Variants in GNB4 observed in about 807,000 individuals in gnomAD.
GNB4 encodes G protein subunit beta 4.
A neutral mutation model predicts 45.2 loss-of-function variants in GNB4; 28 were observed. The observed-to-expected ratio is 0.62, with a 90% confidence interval of 0.46 to 0.85. The LOEUF (loss-of-function observed/expected upper bound fraction) is 0.85, where lower values mean the gene tolerates loss of function less well. GNB4 is among the 40% of genes least tolerant of loss of function. The pLI, the probability that GNB4 is intolerant of heterozygous loss-of-function variation, is 0.00. For synonymous variants in GNB4, 132 were observed against 143.7 expected (o/e 0.92, Z 0.58); for missense variants, 321 against 425.4 (o/e 0.75, Z 2.16).
chr3:179,484,593 ATT>A, the GNB4 span, among the ~76,000 whole-genome samples: 80 of 148,306 alleles, frequency 5.4e-4, no homozygotes, highest in Middle Eastern at 6.9e-3. Context: ...GTATAGTGCC[ATT>A]TTTTTTTTTT....
chr3:179,462,610 G>A, the GNB4 span, among the ~76,000 whole-genome samples: 1 of 152,046 alleles, frequency 6.6e-6, no homozygotes, highest in Non-Finnish European at 1.5e-5. Flanking sequence ...AGGCCGAGGC[G>A]GGCAAATCAC....
the GNB4 span, among the ~76,000 whole-genome samples, chr3:179,501,031 C>A: frequency 6.6e-6 from 1 of 152,084 alleles, no homozygotes; most frequent in Admixed American, 6.5e-5. Flanking sequence ...AGGGTGAAAC[C>A]TTGGATGAAG....
At chr3:179,435,775 G>A (rs140065418) in intron 1 of GNB4, among the ~76,000 whole-genome samples, 2 of 152,296 alleles carry the variant, frequency 1.3e-5, no homozygotes, top group East Asian at 3.9e-4. Flanking sequence ...CAGCATATGA[G>A]TTATCTTTTA....
intron 1 of GNB4, among the ~76,000 whole-genome samples, chr3:179,443,998 ACTCT>A (rs556268575): frequency 4.6e-5 from 7 of 152,114 alleles, no homozygotes; most frequent in Non-Finnish European, 8.8e-5. Context: ...ATCCTACAAC[ACTCT>A]CTATCACATA....
intron 1 of GNB4, among the ~76,000 whole-genome samples, chr3:179,435,739 T>C (rs994886521): frequency 6.6e-6 from 1 of 152,230 alleles, no homozygotes. Context: ...AACTATCACA[T>C]AGTGAAAGCA....
the GNB4 span, among the ~76,000 whole-genome samples, chr3:179,491,245 T>G: frequency 2.0e-5 from 3 of 152,130 alleles, no homozygotes; most frequent in East Asian, 1.9e-4. Flanking sequence ...AATAAAAAAT[T>G]TTTAAATTAC....
At chr3:179,473,572 A>G in the GNB4 span, among the ~76,000 whole-genome samples, 1 of 152,116 alleles carries the variant, frequency 6.6e-6, no homozygotes, top group Non-Finnish European at 1.5e-5. Context: ...AAGTGCTGGG[A>G]TTACAGGAAT....
chr3:179,420,776 T>G, intron 3 of GNB4, 113 bp downstream of exon 3: 1 of 721,276 alleles, frequency 1.4e-6, no homozygotes, highest in Non-Finnish European at 2.5e-6. Flanking sequence ...ACACAGAGAT[T>G]TCATTTAACT....
the GNB4 span, among the ~76,000 whole-genome samples, chr3:179,508,932 G>GTGTGTGTATATATATATATA: frequency 6.8e-3 from 696 of 102,094 alleles, 13 homozygotes; most frequent in African/African-American, 0.026. Context: ...TTCAGCATGT[G>GTGTGTGTATATATATATATA]TATATATATA....
At chr3:179,445,994 A>G (rs1203798477) in intron 1 of GNB4, among the ~76,000 whole-genome samples, 2 of 152,266 alleles carry the variant, frequency 1.3e-5, no homozygotes, top group Non-Finnish European at 2.9e-5. Flanking sequence ...GCAAGTCAGT[A>G]GCATCTGAGT....
intron 1 of GNB4, chr3:179,438,025 T>C (rs1297159462): frequency 1.3e-5 from 2 of 152,250 alleles, no homozygotes; most frequent in Admixed American, 6.5e-5. Context: ...TGAGCTACGA[T>C]TGTGCCACTG....
At chr3:179,421,187 A>G (rs1714970150) in intron 2 of GNB4, among the ~76,000 whole-genome samples, 1 of 152,220 alleles carries the variant, frequency 6.6e-6, no homozygotes, top group African/African-American at 2.4e-5. Flanking sequence ...ACCCCAAAAA[A>G]GAAACCCCAT....
At chr3:179,487,132 A>T in the GNB4 span, among the ~76,000 whole-genome samples, 1 of 152,210 alleles carries the variant, frequency 6.6e-6, no homozygotes, top group African/African-American at 2.4e-5. Context: ...TTAGTGCAAA[A>T]TGTGCTTACT....
chr3:179,496,551 C>G, the GNB4 span, among the ~76,000 whole-genome samples: 1 of 151,970 alleles, frequency 6.6e-6, no homozygotes, highest in Non-Finnish European at 1.5e-5. Flanking sequence ...CATAAAGTGG[C>G]CGAACTGATT....
the GNB4 span, among the ~76,000 whole-genome samples, chr3:179,513,438 C>T: frequency 6.6e-6 from 1 of 152,144 alleles, no homozygotes; most frequent in African/African-American, 2.4e-5. Context: ...CTTGCCTTGG[C>T]TTCCCAGAAT....
chr3:179,468,031 T>TTAAAAAAA, the GNB4 span, among the ~76,000 whole-genome samples: 222 of 67,040 alleles, frequency 3.3e-3, 8 homozygotes, highest in African/African-American at 6.0e-3. Context: ...ATTTTGTTGA[T>TTAAAAAAA]AAAAATATAT....
the GNB4 span, among the ~76,000 whole-genome samples, chr3:179,461,693 A>G: frequency 6.6e-6 from 1 of 152,214 alleles, no homozygotes; most frequent in South Asian, 2.1e-4. Flanking sequence ...CTATCCTTCT[A>G]CACTAACTAA....
chr3:179,447,101 G>C (rs529508953), intron 1 of GNB4, among the ~76,000 whole-genome samples: 2 of 152,150 alleles, frequency 1.3e-5, no homozygotes, highest in African/African-American at 4.8e-5. Flanking sequence ...AGAGGGTGAC[G>C]AGGAAGGCTA....
chr3:179,489,004 A>T, the GNB4 span, among the ~76,000 whole-genome samples: 165 of 39,092 alleles, frequency 4.2e-3, 8 homozygotes, highest in Non-Finnish European at 5.9e-3. Flanking sequence ...AAAAAAAAAA[A>T]AAAAAAAAAA....
Sources: allele counts gnomAD v4.1 joint callset (sites outside exome capture counted in the v4.1 genomes callset), GRCh38; gene constraint gnomAD v4.1.1; transcripts MANE v1.5; gene names NCBI Gene and HGNC (gene_info 2026-07-23, HGNC 2026-07-21).